TTBK2: variants seen among roughly 807,000 people sequenced by gnomAD.
TTBK2 encodes tau tubulin kinase 2.
TTBK2 carries 28 observed loss-of-function variants against 110.8 expected under a neutral mutation model. The observed-to-expected ratio is 0.25, with a 90% CI of 0.19 to 0.35. TTBK2 has a LOEUF of 0.35. Among genes scored for constraint, TTBK2 ranks in the 10% least tolerant of loss-of-function variants. The pLI is 1.00. For synonymous variants in TTBK2, 532 were observed against 527.3 expected (o/e 1.01, Z -0.12); for missense variants, 1,369 against 1,500.3 (o/e 0.91, Z 1.45).
rs776578713 is a variant in TTBK2 at position 42,775,258 on chromosome 15, A to T, written c.1875T>A (p.Pro625=). 1 of 1,614,216 alleles carries T rather than the reference A, an allele frequency of 6.2e-7. No individual in the cohort carries two copies. The highest frequency in any genetic ancestry group is 8.5e-7 in the Non-Finnish European group (1 of 1,180,032). Residue 625 remains proline, a synonymous_variant, in exon 13 of 15, where the codon CCT becomes CCA. Transcript: ENST00000267890. ...GVVLALSAEG[P]PTAASEQYTD... is the part of the protein sequence containing the mutation. The stretch of plus-strand genomic sequence containing the variant: ...TATATTGTTCTGAAGCAGCAGTAGG[A>T]GGACCCTCTGCAGAAAGTGCTAAGA...
intron 3 of TTBK2, among the ~76,000 whole-genome samples, chr15:42,865,189 C>T (rs755109558): frequency 4.6e-5 from 7 of 152,064 alleles, no homozygotes; most frequent in Non-Finnish European, 8.8e-5. Flanking sequence ...TGGCTGTAAT[C>T]CCAGTACTAT....
chr15:42,878,264 G>C (rs1389107114), intron 2 of TTBK2, among the ~76,000 whole-genome samples: 1 of 151,728 alleles, frequency 6.6e-6, no homozygotes, highest in Non-Finnish European at 1.5e-5. Context: ...TTATAGGCGA[G>C]AGCCACTGCG....
At chr15:42,791,173 G>C (rs534532669) in intron 10 of TTBK2, among the ~76,000 whole-genome samples, 5 of 151,934 alleles carry the variant, frequency 3.3e-5, no homozygotes, top group African/African-American at 9.7e-5. Context: ...CGTGAGCCAC[G>C]GTGCCTGGCC....
At chr15:42,844,126 T>C (rs1450609504) in intron 3 of TTBK2, among the ~76,000 whole-genome samples, 3 of 152,184 alleles carry the variant, frequency 2.0e-5, no homozygotes, top group Non-Finnish European at 4.4e-5. Flanking sequence ...GTGTATTGGC[T>C]TTTTCTGTGC....
At chr15:42,788,883 A>T (rs1890521929) in intron 10 of TTBK2, among the ~76,000 whole-genome samples, 3 of 152,122 alleles carry the variant, frequency 2.0e-5, no homozygotes, top group African/African-American at 7.2e-5. Context: ...TTTGGTCTTA[A>T]GTCTGCTGTA....
At chr15:42,887,611 T>G (rs895966564) in intron 1 of TTBK2, among the ~76,000 whole-genome samples, 3 of 152,164 alleles carry the variant, frequency 2.0e-5, no homozygotes, top group Non-Finnish European at 2.9e-5. Context: ...TAGTCCAGGA[T>G]CTGCGCCTTA....
At chr15:42,763,163 T>TACATAC (rs1567008839) in intron 13 of TTBK2, among the ~76,000 whole-genome samples, 1 of 11,806 alleles carries the variant, frequency 8.5e-5, no homozygotes, top group African/African-American at 3.9e-4. Context: ...TATACATATA[T>TACATAC]ATATATATAT....
intron 3 of TTBK2, among the ~76,000 whole-genome samples, chr15:42,864,120 G>C (rs1894268703): frequency 6.6e-6 from 1 of 152,102 alleles, no homozygotes; most frequent in Non-Finnish European, 1.5e-5. Context: ...AAGCAACCTA[G>C]AAACTACCAA....
At chr15:42,797,298 A>G (rs1339140892) in intron 9 of TTBK2, among the ~76,000 whole-genome samples, 1 of 152,238 alleles carries the variant, frequency 6.6e-6, no homozygotes. Flanking sequence ...TTATCATGGA[A>G]TTATTTTCTT....
At chr15:42,800,814 G>A (rs917881035) in intron 9 of TTBK2, among the ~76,000 whole-genome samples, 3 of 152,244 alleles carry the variant, frequency 2.0e-5, no homozygotes, top group East Asian at 3.9e-4. Flanking sequence ...ATGGGCAAGG[G>A]GGGGTCCCCA....
At chr15:42,813,928 G>A (rs1356615254) in intron 7 of TTBK2, among the ~76,000 whole-genome samples, 1 of 151,910 alleles carries the variant, frequency 6.6e-6, no homozygotes, top group Non-Finnish European at 1.5e-5. Context: ...AGAAGCAGAA[G>A]AAAGTAATTT....
chr15:42,802,956 T>A (rs117951094), intron 9 of TTBK2, among the ~76,000 whole-genome samples: 2,765 of 152,342 alleles, frequency 0.018, 45 homozygotes, highest in Non-Finnish European at 0.027. Flanking sequence ...CATCTTTCTC[T>A]GATGCTGGAT....
intron 7 of TTBK2, among the ~76,000 whole-genome samples, chr15:42,814,732 A>T (rs1183553325): frequency 6.6e-6 from 1 of 152,236 alleles, no homozygotes; most frequent in Admixed American, 6.5e-5. Flanking sequence ...AAGTTCCAAG[A>T]GGTGCACTCC....
rs771698383 is a variant in TTBK2, at chr15:42,743,642, CTAACTA to C, written c.*2147_*2152del. 7.9e-5 allele frequency: 12 copies of C among 152,208 alleles called. No homozygotes were observed. The highest frequency in any genetic ancestry group is 1.3e-4 in the Non-Finnish European group (9 of 68,034). The allele number at this position is 152,208 out of a possible 1,614,324, so 9.4% of individuals were successfully genotyped here. On this transcript the variant is annotated 3_prime_UTR_variant, in exon 15 of 15. Transcript: ENST00000267890. ...TCATCATCATCCCAGTTTATCCACT[CTAACTA>C]TAAGGAGAGAACTATGTGATTAACA...
intron 14 of TTBK2, among the ~76,000 whole-genome samples, chr15:42,751,135 A>C (rs1161269094): frequency 6.6e-6 from 1 of 152,208 alleles, no homozygotes; most frequent in African/African-American, 2.4e-5. Context: ...CATATGAATA[A>C]ATAAAGATCT....
chr15:42,838,209 A>AAAATG (rs1893074338), intron 4 of TTBK2, among the ~76,000 whole-genome samples: 1 of 90,028 alleles, frequency 1.1e-5, no homozygotes, highest in African/African-American at 6.6e-5. Context: ...TCTGTCTCAA[A>AAAATG]AAATAAAATA....
chr15:42,776,915 G>A (rs1256253004), intron 12 of TTBK2, 116 bp downstream of exon 12: 1 of 1,125,976 alleles, frequency 8.9e-7, no homozygotes, highest in Non-Finnish European at 1.3e-6. Context: ...AAAAATGCAA[G>A]GATTTCTTAT....
intron 11 of TTBK2, among the ~76,000 whole-genome samples, chr15:42,781,896 G>A (rs1339523250): frequency 6.6e-6 from 1 of 152,072 alleles, no homozygotes; most frequent in African/African-American, 2.4e-5. Context: ...AGTTCTTAGG[G>A]CAGATGGTGG....
intron 3 of TTBK2, among the ~76,000 whole-genome samples, chr15:42,869,697 T>A (rs550544893): frequency 6.6e-6 from 1 of 152,042 alleles, no homozygotes; most frequent in South Asian, 2.1e-4. Flanking sequence ...TATTCAGAGA[T>A]GTATCTCTGA....
Sources: gnomAD v4.1 joint callset for allele counts (sites outside exome capture counted in the v4.1 genomes callset) on GRCh38, gnomAD v4.1.1 for gene constraint, MANE v1.5 for transcripts, NCBI Gene and HGNC (gene_info 2026-07-23, HGNC 2026-07-21) for gene names.